Variants in DFFA observed in about 807,000 individuals in gnomAD.
DFFA encodes DFF45.
DFFA carries 14 observed loss-of-function variants against 28.0 expected under a neutral mutation model. The ratio of observed to expected loss-of-function variants is 0.50; its 90% CI spans 0.33 to 0.78. The LOEUF is 0.78. Ranked by LOEUF, DFFA falls within the 30% of genes least tolerant of loss-of-function variation. The probability of loss-of-function intolerance (pLI) is 0.02; values close to 1 mark genes in which losing one functional copy is unlikely to be tolerated. For synonymous variants in DFFA, 158 were observed against 170.3 expected, an observed-to-expected ratio of 0.93 and a Z score of 0.56; for missense variants, 395 against 407.1, an observed-to-expected ratio of 0.97 and a Z score of 0.26.
At chr1:10,464,322 G>A (rs1228366264) in intron 3 of DFFA, among the ~76,000 whole-genome samples, 1 of 150,286 alleles carries the variant, frequency 6.7e-6, no homozygotes, top group Non-Finnish European at 1.5e-5. Flanking sequence ...TCGATCTCCT[G>A]ATCTTGTGAT....
rs1009070957 is a variant in DFFA at position 10,457,935 on chromosome 1, T to A, written c.*3555A>T. On this transcript the variant is annotated 3_prime_UTR_variant, in exon 6 of 6. Coordinates refer to ENST00000377038, the MANE Select transcript of DFFA (RefSeq NM_004401.3). ...TATTCTGGCTGGGTGTGGTGGCTCATGCCTGTAATCCCAAAATTCTGGGAA... is the reference window on the plus strand; with the variant it reads ...TATTCTGGCTGGGTGTGGTGGCTCAAGCCTGTAATCCCAAAATTCTGGGAA... The A allele has an allele frequency of 6.6e-6, 1 of 152,132 alleles. No homozygotes were observed. The highest frequency in any genetic ancestry group is 2.4e-5 in the African/African-American group (1 of 41,416). 9.4% of individuals were successfully genotyped at this position (152,132 alleles called of 1,614,324 possible). A position where few individuals can be genotyped will look rare whatever the true frequency, so the allele number is the denominator to read the frequency against.
intron 2 of DFFA, among the ~76,000 whole-genome samples, chr1:10,468,244 C>A (rs1399200237): frequency 1.3e-5 from 2 of 151,882 alleles, no homozygotes; most frequent in African/African-American, 4.8e-5. Flanking sequence ...ATGGCAGGGA[C>A]AGGTAACAAT....
chr1:10,463,661 TTC>T lies in DFFA; in HGVS notation c.442-43_442-42del, dbSNP rs778328997. On this transcript the variant is annotated intron_variant, in intron 3 of 5. Transcript: ENST00000377038. ...AGACGCTTAGAAATCTACAGGGACT[TTC>T]TGACTTTCTTTTTTTTTTTTGAGAC... The T allele has an allele frequency of 5.1e-6, 8 of 1,559,494 alleles. No homozygotes were observed. In the South Asian group the frequency reaches 9.7e-5, roughly 19 times the overall value.
intron 5 of DFFA, 195 bp downstream of exon 5, chr1:10,462,863 T>C (rs1458266795): frequency 9.9e-6 from 14 of 1,415,800 alleles, no homozygotes; most frequent in Non-Finnish European, 1.3e-5. Context: ...AGGAAGTGTA[T>C]GCATTTTTCT....
At chr1:10,461,856 C>G (rs748992357) in intron 5 of DFFA, 154 bp from the exon 6 acceptor site, 1 of 985,256 alleles carries the variant, frequency 1.0e-6, no homozygotes, top group East Asian at 1.1e-4. Flanking sequence ...TTAATTGCCA[C>G]GGGCTTTTTG....
rs1640978422 is a variant in DFFA at position 10,463,461 on chromosome 1, T to G, written c.601A>C (p.Lys201Gln). ...LLQLYLQALE[K>Q]EGSLLSKQEE... is the part of the protein sequence containing the mutation. ...TGCTTTGACAAGAGGCTGCCCTCTT[T>G]CTCCAAAGCCTGGAGGTACAGCTGC... Residue 201 changes from lysine (K) to glutamine (Q), a missense_variant, in exon 4 of 6, where the codon AAA becomes CAA. Lys to Gln is a moderately conservative substitution (Grantham distance 53). Coordinates refer to ENST00000377038, the MANE Select transcript of DFFA (RefSeq NM_004401.3). 1.2e-6 allele frequency: 2 copies of G among 1,613,694 alleles called. No homozygotes were observed. Among genetic ancestry groups the G allele is most frequent in the Admixed American group, 1.7e-5 (1 of 59,928 alleles).
chr1:10,460,564 C>G lies in DFFA; in HGVS notation c.*926G>C, dbSNP rs556947666. 7.1e-6 allele frequency: 1 copy of G among 141,628 alleles called. No individual in the cohort carries two copies. Among genetic ancestry groups the G allele is most frequent in the East Asian group, 2.2e-4 (1 of 4,642 alleles). 8.8% of individuals were successfully genotyped at this position (141,628 alleles called of 1,614,324 possible). On this transcript the variant is annotated 3_prime_UTR_variant, in exon 6 of 6. Transcript: ENST00000377038. ...TTTTTTTTTGAGACAGAGTGTCACT[C>G]TGTCACCCAGGCTGGAGTACAGTGG...
At chr1:10,463,230 A>G (rs780774277) in intron 4 of DFFA, 21 bp from the exon 5 acceptor site, 6 of 1,611,282 alleles carry the variant, frequency 3.7e-6, no homozygotes, top group Non-Finnish European at 4.2e-6. Flanking sequence ...GACACGAGAC[A>G]GAGATCAGAC....
At chr1:10,471,189 A>ATCATTGGC (rs950349467) in intron 1 of DFFA, among the ~76,000 whole-genome samples, 1 of 152,030 alleles carries the variant, frequency 6.6e-6, no homozygotes, top group African/African-American at 2.4e-5. Context: ...TCATATCATT[A>ATCATTGGC]TCATTGGCGG....
intron 3 of DFFA, among the ~76,000 whole-genome samples, chr1:10,466,437 C>T (rs1028500070): frequency 6.6e-6 from 1 of 151,868 alleles, no homozygotes; most frequent in African/African-American, 2.4e-5. Flanking sequence ...GATCTGCCCG[C>T]CTCGGCCTCC....
Position 10,472,169 on chromosome 1 carries a change from A to C in DFFA, c.136+154T>G. 1 of 876,912 alleles carries C rather than the reference A, an allele frequency of 1.1e-6. No individual in the cohort carries two copies. Among genetic ancestry groups the C allele is most frequent in the Non-Finnish European group, 1.6e-6 (1 of 615,890 alleles). The allele number at this position is 876,912 out of a possible 1,614,324, so 54.3% of individuals were successfully genotyped here. A position where few individuals can be genotyped will look rare whatever the true frequency, so the allele number is the denominator to read the frequency against. ...TTACGCTCAAGCGCCTTAAATCTGTAAATCGCTATGCCCACTCGGACCGTT... is the reference window on the plus strand; with the variant it reads ...TTACGCTCAAGCGCCTTAAATCTGTCAATCGCTATGCCCACTCGGACCGTT... On this transcript the variant is annotated intron_variant, in intron 1 of 5. Transcript: ENST00000377038. This position sits in a 1 kb window ranked among gnomAD's most constrained non-coding sequence, Gnocchi z 5.0.
At chr1:10,471,995 G>C (rs1423127680) in intron 1 of DFFA, among the ~76,000 whole-genome samples, 1 of 152,266 alleles carries the variant, frequency 6.6e-6, no homozygotes, top group Admixed American at 6.5e-5. Context: ...TGTACCATCT[G>C]AGTGTGGCGG....
chr1:10,471,303 T>C (rs964746393), intron 1 of DFFA, among the ~76,000 whole-genome samples: 4 of 152,000 alleles, frequency 2.6e-5, no homozygotes, highest in Non-Finnish European at 5.9e-5. Context: ...AGACTACAAA[T>C]ATCCTTCAGC....
At position 10,458,498 on chromosome 1, in the gene DFFA, T is replaced by G. The variant is rs1640887556; in HGVS notation, c.*2992A>C. On this transcript the variant is annotated 3_prime_UTR_variant, in exon 6 of 6. Transcript: ENST00000377038. Reference sequence around the variant, plus strand: ...GTTGTTTTTGTTCTATTTAATTGTTTTCTGTACCCCCATCTTTACCCTAGG... The same window carrying G: ...GTTGTTTTTGTTCTATTTAATTGTTGTCTGTACCCCCATCTTTACCCTAGG... 1 of 151,896 alleles carries G rather than the reference T, an allele frequency of 6.6e-6. No homozygotes were observed. The highest frequency in any genetic ancestry group is 1.5e-5 in the Non-Finnish European group (1 of 68,004). The allele number at this position is 151,896 out of a possible 1,614,324, so 9.4% of individuals were successfully genotyped here. A position where few individuals can be genotyped will look rare whatever the true frequency, so the allele number is the denominator to read the frequency against.
At chr1:10,469,139 C>G (rs372495734) in intron 2 of DFFA, 38 bp downstream of exon 2, 1 of 1,605,312 alleles carries the variant, frequency 6.2e-7, no homozygotes, top group Admixed American at 1.7e-5. Context: ...GGATGCTGTA[C>G]TGCATAGGCC....
intron 1 of DFFA, among the ~76,000 whole-genome samples, chr1:10,470,704 T>C (rs1256534219): frequency 6.8e-6 from 1 of 147,056 alleles, no homozygotes; most frequent in African/African-American, 2.5e-5. Flanking sequence ...GGATTACAGG[T>C]GTGAGCCACC....
chr1:10,463,662 TCTGA>T lies in DFFA; in HGVS notation c.442-46_442-43del, dbSNP rs747353594. 331 of 1,557,632 alleles carry T rather than the reference TCTGA, an allele frequency of 2.1e-4. 1 individual carries two copies. Among genetic ancestry groups the T allele is most frequent in the Admixed American group, 9.3e-4 (46 of 49,202 alleles). On this transcript the variant is annotated intron_variant, in intron 3 of 5. Transcript: ENST00000377038. ...GACGCTTAGAAATCTACAGGGACTT[TCTGA>T]CTTTCTTTTTTTTTTTTGAGACGGA...
Position 10,469,327 on chromosome 1 carries a change from G to A in DFFA, c.148C>T (p.Leu50=). ...GGTGTCAGGGACTTATCAATGGCCAGAATGTCACAGGCTGAAAAGAATAAA... is the reference window on the plus strand; with the variant it reads ...GGTGTCAGGGACTTATCAATGGCCAAAATGTCACAGGCTGAAAAGAATAAA... ...EDLRSKACDI[L]AIDKSLTPVT... The change falls in exon 2 of 6, where the codon CTG becomes TTG. Residue 50 remains leucine (L), a synonymous_variant. Coordinates refer to ENST00000377038, the MANE Select transcript of DFFA (RefSeq NM_004401.3). The A allele has an allele frequency of 6.2e-7, 1 of 1,613,520 alleles. No homozygotes were observed. Among genetic ancestry groups the A allele is most frequent in the Non-Finnish European group, 8.5e-7 (1 of 1,179,848 alleles).
chr1:10,465,372 T>C (rs1244597551), intron 3 of DFFA, among the ~76,000 whole-genome samples: 2 of 152,102 alleles, frequency 1.3e-5, no homozygotes, highest in Non-Finnish European at 2.9e-5. Context: ...GTCAAGTGAT[T>C]CTCCTGCCTC....
Sources: allele counts gnomAD v4.1 joint callset (sites outside exome capture counted in the v4.1 genomes callset), GRCh38; gene constraint gnomAD v4.1.1; non-coding constraint Gnocchi (gnomAD v3.1); transcripts MANE v1.5; gene names NCBI Gene and HGNC (gene_info 2026-07-23, HGNC 2026-07-21).